The following FBLN1 variants were observed in gnomAD, a reference collection of about 807,000 sequenced individuals.
FBLN1 encodes fibulin 1, also known as fibulin-1.
A neutral mutation model predicts 89.7 loss-of-function variants in FBLN1; 34 were observed. That is an observed-to-expected ratio of 0.38 (90% CI 0.29 to 0.50). The LOEUF (loss-of-function observed/expected upper bound fraction) is 0.50. FBLN1 is among the 20% of genes least tolerant of loss of function. FBLN1 has a pLI of 0.92. For synonymous variants in FBLN1, 393 were observed against 391.3 expected (o/e 1.00, Z -0.05); for missense variants, 777 against 988.1 (o/e 0.79, Z 2.86).
chr22:45,513,526 T>C (rs1429473398), intron 1 of FBLN1, among the ~76,000 whole-genome samples: 1 of 152,050 alleles, frequency 6.6e-6, no homozygotes, highest in Admixed American at 6.5e-5. Flanking sequence ...TTTTAACCAT[T>C]TCTAAGTGTA....
In FBLN1 at chr22:45,563,464, T is replaced by C; in HGVS notation, c.1698-11047T>C. 1 of 1,182,320 alleles carries C rather than the reference T, an allele frequency of 8.5e-7. No individual in the cohort carries two copies. The highest frequency in any genetic ancestry group is 1.2e-6 in the Non-Finnish European group (1 of 860,092). The allele number at this position is 1,182,320 out of a possible 1,614,324, so 73.2% of individuals were successfully genotyped here. ...GCCACCGCCTGGTACCCCCGAGGGC[T>C]GACTGAGGAGCGCTCCCCACTAGAG... On this transcript the variant is annotated intron_variant, in intron 14 of 16. Coordinates refer to ENST00000327858, the MANE Select transcript of FBLN1 (RefSeq NM_006486.3). The surrounding 1 kb of genome is among the most constrained non-coding windows in gnomAD (Gnocchi z 5.7).
At chr22:45,568,490 T>C (rs76589265) in intron 14 of FBLN1, among the ~76,000 whole-genome samples, 1,808 of 83,034 alleles carry the variant, frequency 0.022, 32 homozygotes, top group Middle Eastern at 0.046. Context: ...GGGGAATGCC[T>C]CTTCTGTAGG....
Position 45,593,097 on chromosome 22 carries a change from C to T in FBLN1, c.1973-7210C>T, listed in dbSNP as rs533940526. On this transcript the variant is annotated intron_variant, in intron 16 of 16. Coordinates refer to ENST00000327858, the MANE Select transcript of FBLN1 (RefSeq NM_006486.3). Reference sequence around the variant, plus strand: ...GCCACCTAGGAACTCGAGGCTGTAACTCTAGGTCTCTTTATAAACCAGTGT... The same window carrying T: ...GCCACCTAGGAACTCGAGGCTGTAATTCTAGGTCTCTTTATAAACCAGTGT... Among the ~76,000 whole-genome samples, 4 of 152,030 alleles carry T rather than the reference C, an allele frequency of 2.6e-5. No homozygotes were observed. The East Asian group carries it at 5.8e-4, about 22-fold the overall frequency.
At chr22:45,592,872 A>C (rs1044719895) in intron 16 of FBLN1, among the ~76,000 whole-genome samples, 5 of 152,142 alleles carry the variant, frequency 3.3e-5, no homozygotes, top group African/African-American at 1.2e-4. Context: ...GGCTGGCCCC[A>C]CATGGTGGCC....
At chr22:45,594,985 A>G (rs927689604) in intron 16 of FBLN1, among the ~76,000 whole-genome samples, 4 of 152,170 alleles carry the variant, frequency 2.6e-5, no homozygotes, top group East Asian at 1.9e-4. Flanking sequence ...TTTGGCATCT[A>G]TTATGTGCCA....
At chr22:45,571,153 G>A (rs2147023394) in intron 14 of FBLN1, among the ~76,000 whole-genome samples, 3 of 143,968 alleles carry the variant, frequency 2.1e-5, no homozygotes, top group East Asian at 2.0e-4. Flanking sequence ...AAGAAAAGGA[G>A]GGAAAAACAA....
At chr22:45,564,729 TC>T (rs2088886728) in intron 14 of FBLN1, among the ~76,000 whole-genome samples, 1 of 152,228 alleles carries the variant, frequency 6.6e-6, no homozygotes, top group African/African-American at 2.4e-5. Flanking sequence ...ACCAGGTCTA[TC>T]TCATTCAGTG....
At chr22:45,506,926 T>C (rs1186634363) in intron 1 of FBLN1, among the ~76,000 whole-genome samples, 1 of 152,208 alleles carries the variant, frequency 6.6e-6, no homozygotes, top group Non-Finnish European at 1.5e-5. Flanking sequence ...ACAACAAGAT[T>C]TTCCTTTTGC....
chr22:45,524,868 C>T (rs943139843), intron 2 of FBLN1, among the ~76,000 whole-genome samples: 7 of 152,140 alleles, frequency 4.6e-5, no homozygotes, highest in African/African-American at 1.2e-4. Context: ...GGGGATCACC[C>T]GAGCTCAGGA....
At chr22:45,520,345 G>C (rs544764614) in intron 2 of FBLN1, among the ~76,000 whole-genome samples, 1 of 152,344 alleles carries the variant, frequency 6.6e-6, no homozygotes, top group South Asian at 2.1e-4. Flanking sequence ...GGTGTCAGCA[G>C]GGTGGGCTCC....
intron 16 of FBLN1, among the ~76,000 whole-genome samples, chr22:45,586,889 C>T (rs534306533): frequency 2.6e-5 from 4 of 152,190 alleles, no homozygotes; most frequent in South Asian, 4.2e-4. Flanking sequence ...TCCACAGCAC[C>T]GGGAGCCAGC....
Position 45,578,132 on chromosome 22 carries a change from A to T in FBLN1, c.1972+1024A>T, listed in dbSNP as rs1940124253. 1.3e-5 allele frequency: 2 copies of T among 152,046 alleles called. No individual in the cohort carries two copies. Among genetic ancestry groups the T allele is most frequent in the Non-Finnish European group, 2.9e-5 (2 of 68,004 alleles). 9.4% of individuals were successfully genotyped at this position (152,046 alleles called of 1,614,324 possible). A position where few individuals can be genotyped will look rare whatever the true frequency, so the allele number is the denominator to read the frequency against. ...TGGAGTCCGGGAGGTCCTAACCAGA[A>T]CCCACGAGCGTGCAGTGCGCACAGA... On this transcript the variant is annotated intron_variant, in intron 16 of 16. Coordinates refer to ENST00000327858, the MANE Select transcript of FBLN1 (RefSeq NM_006486.3). This position sits in a 1 kb window ranked among gnomAD's most constrained non-coding sequence, Gnocchi z 4.6.
At chr22:45,564,042 C>A (rs115318717) in intron 14 of FBLN1, among the ~76,000 whole-genome samples, 110 of 152,316 alleles carry the variant, frequency 7.2e-4, no homozygotes, top group African/African-American at 2.6e-3. Context: ...TTACACCAGT[C>A]CTGCCAGGCA....
intron 14 of FBLN1, among the ~76,000 whole-genome samples, chr22:45,570,356 A>AG (rs2088942438): frequency 2.5e-5 from 1 of 39,688 alleles, no homozygotes; most frequent in African/African-American, 1.0e-4. Flanking sequence ...AAAAGAAAAG[A>AG]AAAAAAAAAG....
Position 45,561,771 on chromosome 22 carries a change from C to T in FBLN1, c.1697+11156C>T, listed in dbSNP as rs564063489. Among the ~76,000 whole-genome samples the T allele has an allele frequency of 6.6e-6, 1 of 152,246 alleles. No individual in the cohort carries two copies. The highest frequency in any genetic ancestry group is 2.1e-4 in the South Asian group (1 of 4,826). ...TATTAAGCATTAACTCACACGATCA[C>T]AAGGTCCCACAATAGGCCATCTGAA... On this transcript the variant is annotated intron_variant, in intron 14 of 16. Transcript: ENST00000327858. This position sits in a 1 kb window ranked among gnomAD's most constrained non-coding sequence, Gnocchi z 4.7.
chr22:45,523,250 C>T (rs565983651), intron 2 of FBLN1: 86 of 732,812 alleles, frequency 1.2e-4, no homozygotes, highest in Admixed American at 5.5e-4. Context: ...GAGCCAGCAA[C>T]GGCCAGTCCC....
chr22:45,546,280 T>C (rs540254024), intron 11 of FBLN1, among the ~76,000 whole-genome samples: 4 of 152,316 alleles, frequency 2.6e-5, no homozygotes, highest in South Asian at 4.1e-4. Context: ...TGCAGTGGTG[T>C]GATCTTGGCT....
rs189744852 is a variant in FBLN1 at position 45,537,549 on chromosome 22, G to T, written c.922+2212G>T. On this transcript the variant is annotated intron_variant, in intron 8 of 16. Transcript: ENST00000327858. This position sits in a 1 kb window ranked among gnomAD's most constrained non-coding sequence, Gnocchi z 5.7. ...GCAGGAGAATCGCTTGAACCCAGGA[G>T]GTGGAGGTTGTAGTGAGCCAAGATC... Among the ~76,000 whole-genome samples, 129 of 152,134 alleles carry T rather than the reference G, an allele frequency of 8.5e-4. No individual in the cohort carries two copies. Among genetic ancestry groups the T allele is most frequent in the Non-Finnish European group, 1.2e-3 (81 of 67,996 alleles).
At chr22:45,546,303 T>C (rs188030038) in intron 11 of FBLN1, among the ~76,000 whole-genome samples, 62 of 152,352 alleles carry the variant, frequency 4.1e-4, no homozygotes, top group Middle Eastern at 6.8e-3. Flanking sequence ...CTGCAACCTC[T>C]GCCTCCTTGT....
Sources: allele counts gnomAD v4.1 joint callset (sites outside exome capture counted in the v4.1 genomes callset), GRCh38; gene constraint gnomAD v4.1.1; non-coding constraint Gnocchi (gnomAD v3.1); transcripts MANE v1.5; gene names NCBI Gene and HGNC (gene_info 2026-07-23, HGNC 2026-07-21).